SSU72: variants seen among roughly 807,000 people sequenced by gnomAD.
SSU72 encodes SSU72 homolog, RNA polymerase II CTD phosphatase.
In SSU72, 12 loss-of-function variants were observed where a neutral mutation model predicts 22.7. The ratio of observed to expected loss-of-function variants is 0.53; its 90% CI spans 0.34 to 0.86. The LOEUF is 0.86. Among genes scored for constraint, SSU72 ranks in the 40% least tolerant of loss-of-function variants. SSU72 has a pLI of 0.02. For missense variants in SSU72, 151 were observed against 249.8 expected, an observed-to-expected ratio of 0.60 and a Z score of 2.67; for synonymous variants, 116 against 98.3, an observed-to-expected ratio of 1.18 and a Z score of -1.06.
chr1:1,555,532 T>C (rs1442761893), intron 2 of SSU72, among the ~76,000 whole-genome samples: 1 of 151,894 alleles, frequency 6.6e-6, no homozygotes, highest in Admixed American at 6.6e-5. Context: ...CAGCCGAGTG[T>C]GCCACAAGCG....
intron 2 of SSU72, among the ~76,000 whole-genome samples, chr1:1,557,205 C>G (rs747970411): frequency 4.0e-5 from 6 of 151,606 alleles, no homozygotes; most frequent in South Asian, 2.1e-4. Context: ...TTGAGGTCAG[C>G]AGTTCAAGAC....
chr1:1,544,782 G>C (rs1472779102), intron 3 of SSU72, 81 bp downstream of exon 3: 16 of 1,594,552 alleles, frequency 1.0e-5, no homozygotes, highest in African/African-American at 1.3e-5. Flanking sequence ...GGGCTGTACT[G>C]GTCATGGTGG....
At chr1:1,556,536 T>C (rs1397611479) in intron 2 of SSU72, among the ~76,000 whole-genome samples, 2 of 151,954 alleles carry the variant, frequency 1.3e-5, no homozygotes, top group Non-Finnish European at 1.5e-5. Flanking sequence ...AGCAAAACTC[T>C]TGTCTCAAAA....
intron 1 of SSU72, among the ~76,000 whole-genome samples, chr1:1,565,225 T>C (rs1642644594): frequency 6.6e-6 from 1 of 152,046 alleles, no homozygotes; most frequent in East Asian, 1.9e-4. Flanking sequence ...TACAAAAAAT[T>C]AGCCGGGCGC....
At chr1:1,573,687 C>G (rs1473386883) in intron 1 of SSU72, among the ~76,000 whole-genome samples, 1 of 152,132 alleles carries the variant, frequency 6.6e-6, no homozygotes, top group Non-Finnish European at 1.5e-5. Context: ...AAAGTTATAG[C>G]TGGACTGCGA....
intron 4 of SSU72, among the ~76,000 whole-genome samples, 192 bp downstream of exon 4, chr1:1,543,652 TCTGTCACGGCCTCGGCCACTCCCCA>T (rs1557493786): frequency 4.1e-4 from 56 of 135,270 alleles, no homozygotes; most frequent in Middle Eastern, 7.9e-3. Flanking sequence ...GCCACTCCCC[TCTGTCACGGCCTCGGCCACTCCCCA>T]CTGTCACGGC....
intron 3 of SSU72, among the ~76,000 whole-genome samples, chr1:1,544,394 G>A (rs938360136): frequency 1.3e-5 from 2 of 152,038 alleles, no homozygotes; most frequent in African/African-American, 4.8e-5. Context: ...GAGGCGGGCG[G>A]ATCACTTGAG....
At chr1:1,569,853 G>A (rs1344800406) in intron 1 of SSU72, among the ~76,000 whole-genome samples, 2 of 152,126 alleles carry the variant, frequency 1.3e-5, no homozygotes, top group African/African-American at 2.4e-5. Flanking sequence ...TACTGTGCCT[G>A]CTCAGTTAAC....
chr1:1,543,080 C>T (rs948830311), intron 4 of SSU72, among the ~76,000 whole-genome samples: 3 of 152,236 alleles, frequency 2.0e-5, no homozygotes, highest in Non-Finnish European at 2.9e-5. Flanking sequence ...AGAGGCGGGA[C>T]GGTGCGTGGG....
At chr1:1,558,153 A>G (rs1169041266) in intron 2 of SSU72, among the ~76,000 whole-genome samples, 1 of 148,370 alleles carries the variant, frequency 6.7e-6, no homozygotes, top group African/African-American at 2.5e-5. Flanking sequence ...GTGAGCCAAG[A>G]TCGTGCCATT....
chr1:1,564,175 T>C (rs1308302307), intron 2 of SSU72: 14 of 194,088 alleles, frequency 7.2e-5, no homozygotes, highest in Non-Finnish European at 1.3e-4. Flanking sequence ...CAACTGGTGT[T>C]GCGTCCATCA....
chr1:1,544,894 G>A lies in SSU72; in HGVS notation c.333C>T (p.Cys111=), dbSNP rs571502255. Residue 111 remains cysteine (C), a synonymous_variant, in exon 3 of 5, where the codon TGC becomes TGT. Transcript: ENST00000291386. ...CKDLFDLILT[C]EERVYDQVVE... The stretch of plus-strand genomic sequence containing the variant: ...CCACCTGGTCATACACTCTCTCTTC[G>A]CAAGTGAGGATCAGATCAAACAGGT... 6.6e-4 allele frequency: 1,066 copies of A among 1,614,210 alleles called. 20 individuals carry two copies. The South Asian group carries it at 0.011, about 17-fold the overall frequency.
chr1:1,556,995 G>A lies in SSU72; in HGVS notation c.224+7778C>T, dbSNP rs368699210. 1.5e-4 allele frequency among the ~76,000 whole-genome samples: 23 copies of A among 152,340 alleles called. No homozygotes were observed. The East Asian group carries it at 3.7e-3, about 24-fold the overall frequency. On this transcript the variant is annotated intron_variant, in intron 2 of 4. Transcript: ENST00000291386. Reference sequence around the variant, plus strand: ...GCCTTACCTGAAATATCTTAAGGCCGTAATTTACATTTTAGGCATGAATGA... The same window carrying A: ...GCCTTACCTGAAATATCTTAAGGCCATAATTTACATTTTAGGCATGAATGA...
In SSU72 at chr1:1,574,686, G is replaced by C. The variant is rs2100727591; in HGVS notation, c.-129C>G. The C allele has an allele frequency of 1.1e-6, 1 of 938,196 alleles. No homozygotes were observed. The highest frequency in any genetic ancestry group is 2.3e-5 in the South Asian group (1 of 44,216). 58.1% of individuals were successfully genotyped at this position (938,196 alleles called of 1,614,324 possible). A position where few individuals can be genotyped will look rare whatever the true frequency, so the allele number is the denominator to read the frequency against. Reference sequence around the variant, plus strand: ...GCGAAACGACGGCGCCGGCGGTGTAGCGTGCGGCGACTGCGCGGCGGCCTC... The same window carrying C: ...GCGAAACGACGGCGCCGGCGGTGTACCGTGCGGCGACTGCGCGGCGGCCTC... On this transcript the variant is annotated 5_prime_UTR_variant, in exon 1 of 5. Coordinates refer to ENST00000291386, the MANE Select transcript of SSU72 (RefSeq NM_014188.3).
At chr1:1,566,668 T>C (rs376619598) in intron 1 of SSU72, among the ~76,000 whole-genome samples, 1 of 152,068 alleles carries the variant, frequency 6.6e-6, no homozygotes. Flanking sequence ...CTGGCTAACA[T>C]GGTGAAACCC....
At chr1:1,563,456 T>G (rs1175904506) in intron 2 of SSU72, 1 of 137,832 alleles carries the variant, frequency 7.3e-6, no homozygotes, top group Non-Finnish European at 1.5e-5. Context: ...CGCTTGAACT[T>G]GGGAGGGGGA....
In SSU72 at chr1:1,554,441, G is replaced by T. The variant is rs1280294901; in HGVS notation, c.225-9439C>A. ...TGACCACCCACACCCATTTGATGTG[G>T]TTGCTCTCAGGATAAACCACCCAGG... On this transcript the variant is annotated intron_variant, in intron 2 of 4. Coordinates refer to ENST00000291386, the MANE Select transcript of SSU72 (RefSeq NM_014188.3). The surrounding 1 kb of genome is among the most constrained non-coding windows in gnomAD (Gnocchi z 4.1). 1.3e-5 allele frequency among the ~76,000 whole-genome samples: 2 copies of T among 152,218 alleles called. No homozygotes were observed. Among genetic ancestry groups the T allele is most frequent in the East Asian group, 3.8e-4 (2 of 5,196 alleles).
chr1:1,554,829 C>T lies in SSU72; in HGVS notation c.225-9827G>A, dbSNP rs1449330329. ...GCAGCCCAGCACCATCCTGGGTTCC[C>T]TGCTGCCGGCGCCAGCCCCACGTAC... On this transcript the variant is annotated intron_variant, in intron 2 of 4. Coordinates refer to ENST00000291386, the MANE Select transcript of SSU72 (RefSeq NM_014188.3). This position sits in a 1 kb window ranked among gnomAD's most constrained non-coding sequence, Gnocchi z 4.1. Among the ~76,000 whole-genome samples the T allele has an allele frequency of 6.6e-6, 1 of 152,176 alleles. No individual in the cohort carries two copies. The highest frequency in any genetic ancestry group is 2.4e-5 in the African/African-American group (1 of 41,440).
intron 1 of SSU72, among the ~76,000 whole-genome samples, chr1:1,568,977 G>C (rs1291226619): frequency 6.6e-6 from 1 of 152,154 alleles, no homozygotes; most frequent in Non-Finnish European, 1.5e-5. Context: ...GTTGAGACCA[G>C]CCTGGCCAAC....
Sources: gnomAD v4.1 joint callset for allele counts (sites outside exome capture counted in the v4.1 genomes callset) on GRCh38, gnomAD v4.1.1 for gene constraint, Gnocchi (gnomAD v3.1) non-coding constraint, MANE v1.5 for transcripts, NCBI Gene and HGNC (gene_info 2026-07-23, HGNC 2026-07-21) for gene names.